The following SPECC1 variants were observed in gnomAD, a reference collection of about 807,000 sequenced individuals.
SPECC1 encodes sperm antigen with calponin homology and coiled-coil domains 1.
SPECC1 carries 62 observed loss-of-function variants against 104.1 expected under a neutral mutation model. The ratio of observed to expected loss-of-function variants is 0.60; its 90% confidence interval spans 0.49 to 0.74. SPECC1 has a LOEUF of 0.74. Among genes scored for constraint, SPECC1 ranks in the 30% least tolerant of loss-of-function variants. The probability of loss-of-function intolerance (pLI) is 0.00; values close to 1 mark genes in which losing one functional copy is unlikely to be tolerated. For synonymous variants in SPECC1, 513 were observed against 501.6 expected, an observed-to-expected ratio of 1.02 and a Z score of -0.30; for missense variants, 1,306 against 1,310.5, an observed-to-expected ratio of 1.00 and a Z score of 0.05.
chr17:20,302,968 T>A (rs9914219), intron 13 of SPECC1, among the ~76,000 whole-genome samples: 37,208 of 150,566 alleles, frequency 0.25, 5,799 homozygotes, highest in African/African-American at 0.44. Flanking sequence ...AACGTTGAGT[T>A]TAAAAATGCT....
At chr17:20,255,641 C>CT (rs2039797886) in intron 10 of SPECC1, among the ~76,000 whole-genome samples, 1 of 152,136 alleles carries the variant, frequency 6.6e-6, no homozygotes, top group African/African-American at 2.4e-5. Context: ...TCATAGCTCA[C>CT]TACAGCCTCA....
At chr17:20,241,681 T>C (rs2039210176) in intron 7 of SPECC1, among the ~76,000 whole-genome samples, 1 of 146,148 alleles carries the variant, frequency 6.8e-6, no homozygotes, top group Non-Finnish European at 1.5e-5. Flanking sequence ...TCAAATTACT[T>C]TCTTATCCTG....
Position 20,314,182 on chromosome 17 carries a change from C to T in SPECC1, c.*117C>T. 1.2e-6 allele frequency: 1 copy of T among 833,000 alleles called. No homozygotes were observed. The highest frequency in any genetic ancestry group is 2.0e-6 in the Non-Finnish European group (1 of 509,650). 51.6% of individuals were successfully genotyped at this position (833,000 alleles called of 1,614,324 possible). A position where few individuals can be genotyped will look rare whatever the true frequency, so the allele number is the denominator to read the frequency against. ...CACCCAGCTGCCTAGACTTCAAAGA[C>T]AGGCTCAATCCAAGTGGACCAACAC... On this transcript the variant is annotated 3_prime_UTR_variant, in exon 15 of 15. Coordinates refer to ENST00000395527, the MANE Select transcript of SPECC1 (RefSeq NM_001243439.2).
intron 7 of SPECC1, among the ~76,000 whole-genome samples, chr17:20,240,958 A>G (rs1360919552): frequency 3.3e-5 from 5 of 152,202 alleles, no homozygotes; most frequent in Non-Finnish European, 7.3e-5. Context: ...CGAGCAGGGC[A>G]TGATTTTGCC....
intron 1 of SPECC1, among the ~76,000 whole-genome samples, chr17:20,088,656 C>T (rs191580735): frequency 3.3e-5 from 5 of 152,162 alleles, no homozygotes; most frequent in Non-Finnish European, 5.9e-5. Flanking sequence ...ATTGGAAGTG[C>T]AGAGAAGAGT....
chr17:20,164,459 C>A (rs2033467538), intron 3 of SPECC1, among the ~76,000 whole-genome samples: 1 of 152,082 alleles, frequency 6.6e-6, no homozygotes, highest in Non-Finnish European at 1.5e-5. Flanking sequence ...TGCCTGGCCC[C>A]ATATAATTTT....
At chr17:20,160,416 T>C (rs1045380737) in intron 3 of SPECC1, among the ~76,000 whole-genome samples, 4 of 152,178 alleles carry the variant, frequency 2.6e-5, no homozygotes, top group African/African-American at 4.8e-5. Flanking sequence ...TTTCTACTTA[T>C]GTTCCACTGG....
intron 1 of SPECC1, among the ~76,000 whole-genome samples, chr17:20,071,386 G>C (rs553588105): frequency 4.8e-4 from 25 of 52,176 alleles, no homozygotes; most frequent in African/African-American, 1.3e-3. Flanking sequence ...GTGTGTGTTT[G>C]TGTGTGTGTG....
intron 12 of SPECC1, among the ~76,000 whole-genome samples, chr17:20,269,087 G>A (rs2040312407): frequency 6.6e-6 from 1 of 152,182 alleles, no homozygotes; most frequent in Non-Finnish European, 1.5e-5. Flanking sequence ...GGGAATTTTG[G>A]AAATAAAACT....
chr17:20,238,778 T>C lies in SPECC1; in HGVS notation c.2351+6373T>C, dbSNP rs2039058270. 2.9e-6 allele frequency: 3 copies of C among 1,044,844 alleles called. No homozygotes were observed. The South Asian group carries it at 1.4e-4, about 48-fold the overall frequency. The allele number at this position is 1,044,844 out of a possible 1,614,324, so 64.7% of individuals were successfully genotyped here. ...ACAATAAGAAAACTGCAACTTCAACTTAAAAGGCACTGCTGTATTTGCACC... is the reference window on the plus strand; with the variant it reads ...ACAATAAGAAAACTGCAACTTCAACCTAAAAGGCACTGCTGTATTTGCACC... On this transcript the variant is annotated intron_variant, in intron 7 of 14. Transcript: ENST00000395527.
At chr17:20,165,313 T>C (rs2033557062) in intron 3 of SPECC1, among the ~76,000 whole-genome samples, 1 of 152,084 alleles carries the variant, frequency 6.6e-6, no homozygotes, top group Admixed American at 6.6e-5. Flanking sequence ...CAGTGTTTGG[T>C]TTTCTGTTCC....
chr17:20,234,765 T>C (rs1465692016), intron 7 of SPECC1, among the ~76,000 whole-genome samples: 1 of 152,216 alleles, frequency 6.6e-6, no homozygotes, highest in Non-Finnish European at 1.5e-5. Context: ...CCGTGGGCAC[T>C]CACAGGGTTG....
At chr17:20,161,317 A>C (rs781464530) in intron 3 of SPECC1, among the ~76,000 whole-genome samples, 20 of 152,210 alleles carry the variant, frequency 1.3e-4, no homozygotes, top group Non-Finnish European at 2.8e-4. Context: ...GTAAATGAGG[A>C]TGTAGTGCCC....
intron 4 of SPECC1, among the ~76,000 whole-genome samples, chr17:20,207,117 A>G (rs1433185715): frequency 2.6e-5 from 4 of 152,192 alleles, no homozygotes; most frequent in Admixed American, 2.6e-4. Context: ...TTAGGGATCT[A>G]CTGGCAAGAG....
chr17:20,256,691 C>G (rs1177850429), intron 10 of SPECC1, among the ~76,000 whole-genome samples: 4 of 152,158 alleles, frequency 2.6e-5, no homozygotes, highest in Non-Finnish European at 5.9e-5. Flanking sequence ...AAAGATGTCT[C>G]CTGTTCCGCA....
At chr17:20,113,097 T>TA (rs970696125) in intron 3 of SPECC1, 57 of 666,208 alleles carry the variant, frequency 8.6e-5, no homozygotes, top group Admixed American at 2.7e-4. Context: ...GTAAGGAAGT[T>TA]AAAAAAAAAT....
At chr17:20,071,585 G>A (rs1396590144) in intron 1 of SPECC1, among the ~76,000 whole-genome samples, 1 of 152,156 alleles carries the variant, frequency 6.6e-6, no homozygotes, top group Admixed American at 6.5e-5. Context: ...ATGAATATCC[G>A]TTGGGAGAGC....
At chr17:20,035,706 C>G (rs1313521578) in intron 1 of SPECC1, among the ~76,000 whole-genome samples, 1 of 152,126 alleles carries the variant, frequency 6.6e-6, no homozygotes, top group Admixed American at 6.5e-5. Flanking sequence ...ATTACAGCCT[C>G]AAACTACTGA....
At chr17:20,235,778 A>G (rs1174139494) in intron 7 of SPECC1, among the ~76,000 whole-genome samples, 2 of 152,204 alleles carry the variant, frequency 1.3e-5, no homozygotes, top group Non-Finnish European at 2.9e-5. Context: ...CACACTTAAT[A>G]TCTGTGCCTA....
Sources: allele counts gnomAD v4.1 joint callset (sites outside exome capture counted in the v4.1 genomes callset), GRCh38; gene constraint gnomAD v4.1.1; transcripts MANE v1.5; gene names NCBI Gene and HGNC (gene_info 2026-07-23, HGNC 2026-07-21).